Variants in PPP2R5C observed in about 807,000 individuals in gnomAD.
The protein encoded by PPP2R5C is serine/threonine-protein phosphatase 2A 56 kDa regulatory subunit gamma isoform.
Under a neutral mutation model 68.9 loss-of-function variants are expected in PPP2R5C, and 7 were observed. That is an observed-to-expected ratio of 0.10 (90% CI 0.06 to 0.19). The LOEUF (loss-of-function observed/expected upper bound fraction) is 0.19, where lower values mean the gene tolerates loss of function less well. PPP2R5C is among the 10% of genes least tolerant of loss of function. PPP2R5C has a pLI of 1.00. For missense variants in PPP2R5C, 348 were observed against 641.3 expected (o/e 0.54, Z 4.94); for synonymous variants, 210 against 222.2 (o/e 0.95, Z 0.49).
chr14:101,854,618 A>T lies in PPP2R5C; in HGVS notation c.95-2068A>T, dbSNP rs2042317739. 2.6e-5 allele frequency among the ~76,000 whole-genome samples: 4 copies of T among 152,128 alleles called. No homozygotes were observed. The South Asian group carries it at 8.3e-4, about 32-fold the overall frequency. ...TGCTCGGCACCAGAGGAAGCAGAGG[A>T]GCTGCAGGAAAGCAGCAACACCCCG... is the stretch of plus-strand genomic sequence containing the variant. On this transcript the variant is annotated intron_variant, in intron 1 of 13. Transcript: ENST00000334743.
chr14:101,780,062 T>C (rs530426122), intron 2 of PPP2R5C, among the ~76,000 whole-genome samples: 1 of 152,324 alleles, frequency 6.6e-6, no homozygotes, highest in Non-Finnish European at 1.5e-5. Flanking sequence ...CATGGCCCTC[T>C]CTTCACACTA....
At position 101,915,590 on chromosome 14, in the gene PPP2R5C, C is replaced by T. The variant is rs759291935; in HGVS notation, c.1327-2241C>T. 7.3e-4 allele frequency among the ~76,000 whole-genome samples: 111 copies of T among 152,180 alleles called. No homozygotes were observed. The highest frequency in any genetic ancestry group is 1.6e-3 in the Admixed American group (25 of 15,280). On this transcript the variant is annotated intron_variant, in intron 12 of 13. Coordinates refer to ENST00000334743, the Ensembl canonical transcript of PPP2R5C. The surrounding 1 kb of genome is among the most constrained non-coding windows in gnomAD (Gnocchi z 4.2). ...CTGGAGTAGTCAAAAGCAGAAGAAG[C>T]GTTGGTGTGAAACAGTCCCCGCAAG...
chr14:101,777,677 C>A (rs2037492799), intron 2 of PPP2R5C, among the ~76,000 whole-genome samples: 1 of 152,008 alleles, frequency 6.6e-6, no homozygotes, highest in Non-Finnish European at 1.5e-5. Context: ...GTTTAACTTG[C>A]CGAAGAACCA....
intron 8 of PPP2R5C, among the ~76,000 whole-genome samples, chr14:101,896,459 C>T (rs747352797): frequency 2.0e-5 from 3 of 151,676 alleles, no homozygotes; most frequent in Non-Finnish European, 4.4e-5. Context: ...CTTGGCCGGG[C>T]GCGGTGGCTC....
At chr14:101,810,049 G>A (rs759988641) in intron 1 of PPP2R5C, 54 of 1,609,284 alleles carry the variant, frequency 3.4e-5, no homozygotes, top group Non-Finnish European at 4.6e-5. Context: ...AAGTTATTGT[G>A]TGTTTCACTG....
intron 1 of PPP2R5C, among the ~76,000 whole-genome samples, chr14:101,823,482 G>A (rs1485247217): frequency 2.6e-5 from 4 of 152,168 alleles, no homozygotes; most frequent in South Asian, 2.1e-4. Flanking sequence ...CTCCCCCACA[G>A]CATGATAGAT....
Position 101,781,233 on chromosome 14 carries a change from G to A in PPP2R5C, c.94-4785G>A, listed in dbSNP as rs1009801998. Among the ~76,000 whole-genome samples, 3 of 152,210 alleles carry A rather than the reference G, an allele frequency of 2.0e-5. No homozygotes were observed. The highest frequency in any genetic ancestry group is 7.2e-5 in the African/African-American group (3 of 41,450). ...GAACCAGCGGTGTTGGTGGTGTCTG[G>A]TGCCCAGGAGGAGGGCTTGTTTACA... On this transcript the variant is annotated intron_variant, in intron 2 of 14. Coordinates refer to the PPP2R5C transcript ENST00000328724. The surrounding 1 kb of genome is among the most constrained non-coding windows in gnomAD (Gnocchi z 6.4).
intron 10 of PPP2R5C, among the ~76,000 whole-genome samples, chr14:101,908,069 C>A (rs2141081458): frequency 6.6e-6 from 1 of 152,348 alleles, no homozygotes; most frequent in South Asian, 2.1e-4. Flanking sequence ...GGGAAGTTAG[C>A]TCTCACCAGG....
intron 1 of PPP2R5C, chr14:101,831,931 G>C (rs2040770233): frequency 1.8e-6 from 1 of 545,250 alleles, no homozygotes; most frequent in South Asian, 2.5e-5. Flanking sequence ...TTATGATACA[G>C]CTTTGAAGGC....
intron 2 of PPP2R5C, among the ~76,000 whole-genome samples, chr14:101,774,651 G>A (rs939746277): frequency 5.3e-5 from 8 of 152,126 alleles, no homozygotes; most frequent in Non-Finnish European, 1.0e-4. Context: ...GACTGCCTCC[G>A]CAAATCTTTT....
intron 2 of PPP2R5C, among the ~76,000 whole-genome samples, chr14:101,862,107 G>T (rs1174767065): frequency 1.3e-5 from 2 of 152,078 alleles, no homozygotes; most frequent in South Asian, 2.1e-4. Flanking sequence ...TAGACACGGG[G>T]TCTCCACTCT....
intron 1 of PPP2R5C, among the ~76,000 whole-genome samples, chr14:101,848,964 A>C (rs1055628556): frequency 4.6e-5 from 7 of 152,202 alleles, no homozygotes; most frequent in African/African-American, 1.7e-4. Flanking sequence ...GCCCCCTGTA[A>C]GTCTTTTATA....
At chr14:101,856,495 T>C (rs938733294) in intron 1 of PPP2R5C, among the ~76,000 whole-genome samples, 191 bp from the exon 4 acceptor site, 3 of 151,658 alleles carry the variant, frequency 2.0e-5, no homozygotes, top group Non-Finnish European at 4.4e-5. Context: ...ACCAAACATA[T>C]AATATGACCA....
chr14:101,903,022 T>G lies in PPP2R5C; in HGVS notation c.1023+1133T>G, dbSNP rs544193083. Among the ~76,000 whole-genome samples the G allele has an allele frequency of 1.5e-3, 230 of 151,670 alleles. 3 individuals are homozygous for G. Among genetic ancestry groups the G allele is most frequent in the Middle Eastern group, 0.014 (4 of 294 alleles). On this transcript the variant is annotated intron_variant, in intron 9 of 13. Transcript: ENST00000334743. ...AGGAAAATTATGTTTTGGGTTTTTT[T>G]TTTTTTTTTTTCATCAATCCTGGCC... is the stretch of plus-strand genomic sequence containing the variant.
chr14:101,926,932 G>T (rs930254827), exon 14 of PPP2R5C: 3 of 152,044 alleles, frequency 2.0e-5, no homozygotes, highest in African/African-American at 4.8e-5. Context: ...GGACAAGTCC[G>T]CTTTGTGAGA....
At chr14:101,864,067 G>A (rs529190215) in intron 2 of PPP2R5C, among the ~76,000 whole-genome samples, 30 of 152,216 alleles carry the variant, frequency 2.0e-4, no homozygotes, top group Non-Finnish European at 3.2e-4. Context: ...TCTTTGGATC[G>A]TCAGTTCCCC....
chr14:101,922,138 T>G (rs746781), intron 13 of PPP2R5C: 108,079 of 984,976 alleles, frequency 0.11, 9,692 homozygotes, highest in African/African-American at 0.44. Context: ...ACATGAAGTA[T>G]TTTCCCTTTT....
At chr14:101,823,478 C>T (rs368414699) in intron 1 of PPP2R5C, among the ~76,000 whole-genome samples, 2 of 152,224 alleles carry the variant, frequency 1.3e-5, no homozygotes, top group Admixed American at 1.3e-4. Flanking sequence ...CCCTCTCCCC[C>T]ACAGCATGAT....
In PPP2R5C at chr14:101,800,068, G is replaced by A. The variant is rs146162697; in HGVS notation, c.259+13885G>A. 5.9e-3 allele frequency among the ~76,000 whole-genome samples: 904 copies of A among 152,270 alleles called. 7 individuals are homozygous for A. The highest frequency in any genetic ancestry group is 0.02 in the African/African-American group (842 of 41,552). ...GAGCCTAGGAGTTTGAGACCAGCCT[G>A]GACAACCTTGTCCCTACAAAAAATT... On this transcript the variant is annotated intron_variant, in intron 3 of 14. Transcript: ENST00000328724.
Sources: gnomAD v4.1 joint callset for allele counts (sites outside exome capture counted in the v4.1 genomes callset) on GRCh38, gnomAD v4.1.1 for gene constraint, Gnocchi (gnomAD v3.1) non-coding constraint, MANE v1.5 for transcripts, NCBI Gene and HGNC (gene_info 2026-07-23, HGNC 2026-07-21) for gene names.